The following TSHZ2 variants were observed in gnomAD, a reference collection of about 807,000 sequenced individuals.
TSHZ2 encodes teashirt zinc finger homeobox 2.
In TSHZ2, 21 loss-of-function variants were observed where a neutral mutation model predicts 74.4. The observed-to-expected ratio is 0.28, with a 90% CI of 0.20 to 0.41. The LOEUF (loss-of-function observed/expected upper bound fraction) is 0.41, where lower values mean the gene tolerates loss of function less well. Among genes scored for constraint, TSHZ2 ranks in the 10% least tolerant of loss-of-function variants. The pLI, the probability that TSHZ2 is intolerant of heterozygous loss-of-function variation, is 1.00. For synonymous variants in TSHZ2, 540 were observed against 515.3 expected (o/e 1.05, Z -0.65); for missense variants, 1,244 against 1,293.5 (o/e 0.96, Z 0.59).
intron 1 of TSHZ2, among the ~76,000 whole-genome samples, chr20:53,236,327 GTT>G (rs1989937684): frequency 6.6e-6 from 1 of 152,124 alleles, no homozygotes; most frequent in African/African-American, 2.4e-5. Flanking sequence ...TATTATGTTT[GTT>G]ATTGTTTGCT....
intron 2 of TSHZ2, among the ~76,000 whole-genome samples, chr20:53,465,042 C>T (rs1985512174): frequency 1.3e-5 from 2 of 152,166 alleles, no homozygotes; most frequent in Non-Finnish European, 2.9e-5. Context: ...CCATAACATA[C>T]TTCAGGAAAG....
chr20:53,409,539 C>G (rs1399102598), intron 2 of TSHZ2, among the ~76,000 whole-genome samples: 1 of 151,898 alleles, frequency 6.6e-6, no homozygotes, highest in African/African-American at 2.4e-5. Flanking sequence ...ACAGAACCAA[C>G]TTTCTAATCA....
At chr20:53,051,039 A>G (rs1194548363) in intron 1 of TSHZ2, among the ~76,000 whole-genome samples, 4 of 152,192 alleles carry the variant, frequency 2.6e-5, no homozygotes, top group African/African-American at 7.2e-5. Context: ...AGAACTCCTT[A>G]TTCAAGAAGC....
At chr20:53,291,042 G>A (rs975125269) in intron 2 of TSHZ2, among the ~76,000 whole-genome samples, 2 of 152,160 alleles carry the variant, frequency 1.3e-5, no homozygotes, top group East Asian at 3.8e-4. Flanking sequence ...CTATGCAGTA[G>A]CTGCTTAGTG....
chr20:53,376,278 G>C (rs952054226), intron 2 of TSHZ2, among the ~76,000 whole-genome samples: 4 of 152,206 alleles, frequency 2.6e-5, no homozygotes, highest in Non-Finnish European at 5.9e-5. Flanking sequence ...CAGGATGTGG[G>C]GCTTTCTGTG....
chr20:53,099,643 T>G (rs1986158432), intron 1 of TSHZ2, among the ~76,000 whole-genome samples: 1 of 152,158 alleles, frequency 6.6e-6, no homozygotes, highest in Non-Finnish European at 1.5e-5. Flanking sequence ...CTCACAATCA[T>G]GGCGGAAGGC....
At chr20:53,366,595 A>G (rs1322241546) in intron 2 of TSHZ2, among the ~76,000 whole-genome samples, 1 of 152,182 alleles carries the variant, frequency 6.6e-6, no homozygotes, top group South Asian at 2.1e-4. Flanking sequence ...CGCAGAGTGC[A>G]AGAGGCTTTC....
At chr20:53,020,658 C>A (rs974514379) in intron 1 of TSHZ2, among the ~76,000 whole-genome samples, 2 of 152,152 alleles carry the variant, frequency 1.3e-5, no homozygotes, top group Non-Finnish European at 1.5e-5. Context: ...GCAGGAATTG[C>A]CAAGAGCAAG....
chr20:53,327,518 G>A (rs1226349944), intron 2 of TSHZ2, among the ~76,000 whole-genome samples: 1 of 152,180 alleles, frequency 6.6e-6, no homozygotes, highest in African/African-American at 2.4e-5. Context: ...AAATGCATTG[G>A]TCCAAAACCT....
chr20:53,306,702 C>T (rs1012749956), intron 2 of TSHZ2, among the ~76,000 whole-genome samples: 18 of 152,300 alleles, frequency 1.2e-4, no homozygotes, highest in East Asian at 1.9e-4. Flanking sequence ...TTTGAAGGCA[C>T]GCCCTCATAA....
Position 53,355,378 on chromosome 20 carries a change from T to C in TSHZ2, c.*8+98807T>C, listed in dbSNP as rs188002421. ...ATCCAAATATCCTTCAGCTAGTGAG[T>C]GGACAAATAAAATATGATGTATTCA... On this transcript the variant is annotated intron_variant, in intron 2 of 2. Transcript: ENST00000371497. 2.4e-4 allele frequency among the ~76,000 whole-genome samples: 36 copies of C among 152,124 alleles called. No homozygotes were observed. In the East Asian group the frequency reaches 6.6e-3, roughly 28 times the overall value.
chr20:53,334,372 A>T (rs1289133444), intron 2 of TSHZ2, among the ~76,000 whole-genome samples: 1 of 152,188 alleles, frequency 6.6e-6, no homozygotes, highest in African/African-American at 2.4e-5. Flanking sequence ...AAAGCCACAC[A>T]GACATTGGGG....
intron 1 of TSHZ2, among the ~76,000 whole-genome samples, chr20:52,979,545 T>C (rs1318097255): frequency 1.3e-5 from 2 of 152,128 alleles, no homozygotes; most frequent in Admixed American, 1.3e-4. Flanking sequence ...AGAAGAGAAA[T>C]CTGAGATGCG....
rs200568023 is a variant in TSHZ2 at position 53,253,737 on chromosome 20, G to C, written c.279G>C (p.Ser93=). The C allele has an allele frequency of 1.2e-6, 2 of 1,614,034 alleles. No individual in the cohort carries two copies. Among genetic ancestry groups the C allele is most frequent in the African/African-American group, 2.7e-5 (2 of 74,910 alleles). The change falls in exon 2 of 3, where the codon TCG becomes TCC. Residue 93 remains serine (S), a synonymous_variant. Coordinates refer to ENST00000371497, the MANE Select transcript of TSHZ2 (RefSeq NM_173485.6). ...SLLSDASDQV[S]DIKSVCGRDA... ...TGAGTGACGCCAGTGATCAGGTGTC[G>C]GACATCAAGAGTGTCTGCGGCAGAG...
intron 1 of TSHZ2, chr20:53,097,636 A>G (rs577757124): frequency 1.3e-5 from 2 of 152,412 alleles, no homozygotes; most frequent in Non-Finnish European, 2.9e-5. Flanking sequence ...AATGCTTGTT[A>G]GATTTAATGA....
chr20:53,393,322 A>T (rs1982329623), intron 2 of TSHZ2, among the ~76,000 whole-genome samples: 2 of 152,316 alleles, frequency 1.3e-5, no homozygotes, highest in Admixed American at 6.5e-5. Context: ...TCTACCCACC[A>T]ACATAAAATT....
chr20:53,471,995 G>A lies in TSHZ2; in HGVS notation c.*9-15149G>A, dbSNP rs1400622611. On this transcript the variant is annotated intron_variant, in intron 2 of 2. Coordinates refer to ENST00000371497, the MANE Select transcript of TSHZ2 (RefSeq NM_173485.6). ...TAATTTTGTATTTTTAGTAGAGACA[G>A]GGTTTCTTCATGTTGGTCAGGCTGG... Among the ~76,000 whole-genome samples, 4 of 152,020 alleles carry A rather than the reference G, an allele frequency of 2.6e-5. No homozygotes were observed. In the East Asian group the frequency reaches 7.8e-4, roughly 29 times the overall value.
chr20:53,319,272 T>A (rs1979154272), intron 2 of TSHZ2, among the ~76,000 whole-genome samples: 1 of 152,252 alleles, frequency 6.6e-6, no homozygotes, highest in Non-Finnish European at 1.5e-5. Flanking sequence ...GAATTTATGT[T>A]CCAGGAGAGA....
chr20:53,163,386 T>TTTTTTG, intron 1 of TSHZ2, among the ~76,000 whole-genome samples: 1 of 118,008 alleles, frequency 8.5e-6, no homozygotes, highest in South Asian at 2.7e-4. Flanking sequence ...TTTTTTTTTT[T>TTTTTTG]GAGGTTTCAG....
Sources: gnomAD v4.1 joint callset for allele counts (sites outside exome capture counted in the v4.1 genomes callset) on GRCh38, gnomAD v4.1.1 for gene constraint, MANE v1.5 for transcripts, NCBI Gene and HGNC (gene_info 2026-07-23, HGNC 2026-07-21) for gene names.